FAM13A: variants seen among roughly 807,000 people sequenced by gnomAD.
FAM13A encodes protein FAM13A.
Under a neutral mutation model 129.6 loss-of-function variants are expected in FAM13A, and 76 were observed. That is an observed-to-expected ratio of 0.59 (90% CI 0.49 to 0.71). FAM13A has a LOEUF of 0.71. FAM13A is among the 30% of genes least tolerant of loss of function. FAM13A has a pLI of 0.00. For missense variants in FAM13A, 1,108 were observed against 1,249.3 expected (o/e 0.89, Z 1.70); for synonymous variants, 443 against 449.9 (o/e 0.98, Z 0.20).
chr4:88,804,185 G>A (rs902615554), intron 8 of FAM13A, among the ~76,000 whole-genome samples: 2 of 152,032 alleles, frequency 1.3e-5, no homozygotes, highest in African/African-American at 2.4e-5. Context: ...CCCGGGAGGC[G>A]GAGGTTGCAG....
intron 6 of FAM13A, among the ~76,000 whole-genome samples, chr4:88,892,004 C>T (rs1346556162): frequency 1.3e-5 from 2 of 152,004 alleles, no homozygotes; most frequent in Non-Finnish European, 2.9e-5. Context: ...ATGTGAGACC[C>T]TGTCTCTACA....
chr4:88,902,175 G>A (rs1464895892), intron 6 of FAM13A, among the ~76,000 whole-genome samples: 1 of 152,024 alleles, frequency 6.6e-6, no homozygotes, highest in Non-Finnish European at 1.5e-5. Flanking sequence ...TTCTACCAGA[G>A]GTACAAAGAA....
intron 4 of FAM13A, among the ~76,000 whole-genome samples, chr4:88,964,266 C>T (rs575313775): frequency 6.6e-6 from 1 of 152,126 alleles, no homozygotes; most frequent in African/African-American, 2.4e-5. Flanking sequence ...GGAAGTACTT[C>T]AGAGAATACC....
intron 6 of FAM13A, among the ~76,000 whole-genome samples, chr4:88,880,105 G>C (rs761755353): frequency 6.6e-6 from 1 of 152,120 alleles, no homozygotes; most frequent in Non-Finnish European, 1.5e-5. Context: ...CTCCGACTTA[G>C]AAGGAGAGAG....
At chr4:88,957,010 G>A (rs992736449) in intron 4 of FAM13A, among the ~76,000 whole-genome samples, 3 of 152,198 alleles carry the variant, frequency 2.0e-5, no homozygotes, top group South Asian at 4.1e-4. Flanking sequence ...CTCATTCTGA[G>A]TTCACATGAA....
chr4:88,737,002 G>C (rs946749103), intron 21 of FAM13A, among the ~76,000 whole-genome samples: 4 of 152,026 alleles, frequency 2.6e-5, no homozygotes, highest in African/African-American at 9.7e-5. Context: ...ATTTTTCATT[G>C]TTTTATATGT....
At chr4:88,790,159 T>G (rs559077551) in intron 9 of FAM13A, among the ~76,000 whole-genome samples, 1 of 152,072 alleles carries the variant, frequency 6.6e-6, no homozygotes, top group Non-Finnish European at 1.5e-5. Flanking sequence ...ACATTACACA[T>G]CTAACATGCG....
intron 4 of FAM13A, among the ~76,000 whole-genome samples, chr4:88,961,355 T>C (rs941490568): frequency 4.0e-5 from 2 of 50,254 alleles, no homozygotes; most frequent in African/African-American, 1.7e-4. Context: ...GCCTTTTTTT[T>C]TTTTTTTTTT....
At chr4:88,803,986 G>A (rs547931811) in intron 8 of FAM13A, among the ~76,000 whole-genome samples, 1 of 152,318 alleles carries the variant, frequency 6.6e-6, no homozygotes, top group South Asian at 2.1e-4. Flanking sequence ...GCCAGGCGTG[G>A]TGGCTCATGC....
At position 89,056,988 on chromosome 4, in the gene FAM13A, A is replaced by G. The variant is rs1041292378; in HGVS notation, c.-24T>C. ...ATTCTCTCAGAAAGCGTCTGGAAGA[A>G]CTGAGGAAGACCAGACGAAAATATT... On this transcript the variant is annotated 5_prime_UTR_variant, in exon 1 of 24. Coordinates refer to ENST00000264344, the MANE Select transcript of FAM13A (RefSeq NM_014883.4). 6.2e-7 allele frequency: 1 copy of G among 1,613,284 alleles called. No individual in the cohort carries two copies. Among genetic ancestry groups the G allele is most frequent in the African/African-American group, 1.3e-5 (1 of 74,880 alleles).
Position 88,845,559 on chromosome 4 carries a change from AT to A in FAM13A, c.1007+5460del, listed in dbSNP as rs1160970009. Among the ~76,000 whole-genome samples, 8 of 152,178 alleles carry A rather than the reference AT, an allele frequency of 5.3e-5. 1 individual carries two copies. Among genetic ancestry groups the A allele is most frequent in the African/African-American group, 1.9e-4 (8 of 41,432 alleles). On this transcript the variant is annotated intron_variant, in intron 7 of 23. Transcript: ENST00000264344. ...AATACAGGAAATAGAATTTTCAAGA[AT>A]CTGTGAAGCACCACAATACATTTAC... is the stretch of plus-strand genomic sequence containing the variant.
intron 8 of FAM13A, among the ~76,000 whole-genome samples, chr4:88,800,442 T>A (rs1727196022): frequency 6.6e-6 from 1 of 152,098 alleles, no homozygotes; most frequent in Non-Finnish European, 1.5e-5. Flanking sequence ...CCCAGCACTT[T>A]GGGAGGCCGA....
rs529914472 is a variant in FAM13A, at chr4:88,774,281, T to C, written c.1459-6222A>G. Among the ~76,000 whole-genome samples the C allele has an allele frequency of 3.3e-5, 5 of 152,334 alleles. No homozygotes were observed. The East Asian group carries it at 7.7e-4, about 23-fold the overall frequency. On this transcript the variant is annotated intron_variant, in intron 11 of 23. Coordinates refer to ENST00000264344, the MANE Select transcript of FAM13A (RefSeq NM_014883.4). ...GCCTTATTTCTCTCCACAGCATGTA[T>C]TGCCATCTAACTAGATATTTCTTTC...
intron 5 of FAM13A, among the ~76,000 whole-genome samples, chr4:88,929,759 A>T (rs1414214222): frequency 1.3e-5 from 2 of 151,872 alleles, no homozygotes; most frequent in Admixed American, 6.6e-5. Context: ...TGTTTTTGAG[A>T]CAGGATCTCT....
At chr4:88,857,498 G>A (rs778979194) in intron 6 of FAM13A, among the ~76,000 whole-genome samples, 5 of 151,894 alleles carry the variant, frequency 3.3e-5, no homozygotes, top group Non-Finnish European at 5.9e-5. Context: ...GCATGGTGGC[G>A]CATGCCTGCA....
intron 7 of FAM13A, among the ~76,000 whole-genome samples, chr4:88,848,713 A>C (rs2149974905): frequency 6.6e-6 from 1 of 152,342 alleles, no homozygotes; most frequent in Middle Eastern, 3.4e-3. Flanking sequence ...ATCTTTGATA[A>C]GATACAAATG....
chr4:89,016,468 T>G (rs951590440), intron 3 of FAM13A, among the ~76,000 whole-genome samples: 1 of 152,182 alleles, frequency 6.6e-6, no homozygotes, highest in Non-Finnish European at 1.5e-5. Flanking sequence ...AAGCCTACAG[T>G]GGTGCAGTAA....
chr4:89,006,112 A>C (rs1764972445), intron 3 of FAM13A, among the ~76,000 whole-genome samples: 1 of 152,210 alleles, frequency 6.6e-6, no homozygotes, highest in Admixed American at 6.5e-5. Flanking sequence ...GTCCAGCTTC[A>C]GTCTTCTGAA....
At chr4:89,030,441 T>C (rs1352264975) in intron 1 of FAM13A, among the ~76,000 whole-genome samples, 5 of 152,142 alleles carry the variant, frequency 3.3e-5, no homozygotes, top group East Asian at 3.8e-4. Flanking sequence ...TTATTATATA[T>C]GTTAATAAAT....
Sources: allele counts gnomAD v4.1 joint callset (sites outside exome capture counted in the v4.1 genomes callset), GRCh38; gene constraint gnomAD v4.1.1; transcripts MANE v1.5; gene names NCBI Gene and HGNC (gene_info 2026-07-23, HGNC 2026-07-21).